Variants in CCSAP observed in about 807,000 individuals in gnomAD.
The protein encoded by CCSAP is centriole, cilia and spindle associated protein, also known as centriole, cilia and spindle-associated protein.
CCSAP carries 17 observed loss-of-function variants against 25.9 expected under a neutral mutation model. The ratio of observed to expected loss-of-function variants is 0.66; its 90% CI spans 0.45 to 0.99. The LOEUF (loss-of-function observed/expected upper bound fraction) is 0.99, where lower values mean the gene tolerates loss of function less well. Among genes scored for constraint, CCSAP ranks in the 50% least tolerant of loss-of-function variants. The probability of loss-of-function intolerance (pLI) is 0.00; values close to 1 mark genes in which losing one functional copy is unlikely to be tolerated. For missense variants in CCSAP, 339 were observed against 367.8 expected (o/e 0.92, Z 0.64); for synonymous variants, 169 against 157.1 (o/e 1.08, Z -0.57).
intron 2 of CCSAP, chr1:229,327,624 CTT>C (rs1657972579): frequency 2.2e-6 from 1 of 455,148 alleles, no homozygotes; most frequent in Non-Finnish European, 4.4e-6. Flanking sequence ...AATCCCAGCA[CTT>C]TGGGAGGCCG....
chr1:229,338,084 C>A (rs1658244687), intron 2 of CCSAP, among the ~76,000 whole-genome samples: 1 of 151,906 alleles, frequency 6.6e-6, no homozygotes, highest in Non-Finnish European at 1.5e-5. Flanking sequence ...AGAGATTAAA[C>A]AAAGCAATCA....
rs1296292318 is a variant in CCSAP, at chr1:229,327,712, C to CA, written c.368-707dup. Among the ~76,000 whole-genome samples the CA allele has an allele frequency of 7.6e-3, 1,093 of 144,616 alleles. 10 individuals are homozygous for CA. The highest frequency in any genetic ancestry group is 0.025 in the African/African-American group (989 of 39,692). 94.9% of individuals were successfully genotyped at this position (144,616 alleles called of 152,430 possible). On this transcript the variant is annotated intron_variant, in intron 2 of 3. Transcript: ENST00000284617. ...GTGAAACCCCGTCTCTACTAAAATACAAAAAAAAAAATTAGGCATGGTGGT... is the reference window on the plus strand; with the variant it reads ...GTGAAACCCCGTCTCTACTAAAATACAAAAAAAAAAAATTAGGCATGGTGGT...
In CCSAP at chr1:229,321,273, C is replaced by T. The variant is rs1657818384; in HGVS notation, c.*3962G>A. The T allele has an allele frequency of 1.3e-5, 2 of 152,148 alleles. No homozygotes were observed. Among genetic ancestry groups the T allele is most frequent in the African/African-American group, 2.4e-5 (1 of 41,434 alleles). The allele number at this position is 152,148 out of a possible 1,614,324, so 9.4% of individuals were successfully genotyped here. A position where few individuals can be genotyped will look rare whatever the true frequency, so the allele number is the denominator to read the frequency against. ...AAATCCAAAAAGAGGCCTCTACTGC[C>T]TTCATTCAAGTGTCGAGAATTTCAA... On this transcript the variant is annotated 3_prime_UTR_variant, in exon 4 of 4. Transcript: ENST00000284617.
intron 2 of CCSAP, chr1:229,327,487 C>T (rs1657966660): frequency 2.2e-6 from 1 of 455,828 alleles, no homozygotes; most frequent in Admixed American, 2.4e-5. Flanking sequence ...CCGCTTCCTT[C>T]ATTCAAAAGC....
At position 229,323,531 on chromosome 1, in the gene CCSAP, G is replaced by T. The variant is rs1382749886; in HGVS notation, c.*1704C>A. On this transcript the variant is annotated 3_prime_UTR_variant, in exon 4 of 4. Coordinates refer to ENST00000284617, the MANE Select transcript of CCSAP (RefSeq NM_145257.5). Reference sequence around the variant, plus strand: ...AATTGCCACATTAAGGTGATCTTTAGGTACCTGTGTCGTTTAAAGACTTTA... The same window carrying T: ...AATTGCCACATTAAGGTGATCTTTATGTACCTGTGTCGTTTAAAGACTTTA... The T allele has an allele frequency of 6.6e-6, 1 of 152,146 alleles. No individual in the cohort carries two copies. The highest frequency in any genetic ancestry group is 2.4e-5 in the African/African-American group (1 of 41,418). 9.4% of individuals were successfully genotyped at this position (152,146 alleles called of 1,614,324 possible). A position where few individuals can be genotyped will look rare whatever the true frequency, so the allele number is the denominator to read the frequency against.
intron 2 of CCSAP, among the ~76,000 whole-genome samples, chr1:229,341,086 C>T (rs950071238): frequency 4.0e-5 from 6 of 150,184 alleles, no homozygotes; most frequent in African/African-American, 1.5e-4. Context: ...CCCAGCTACT[C>T]GGGAGGCTGA....
At chr1:229,337,360 T>C (rs1048441903) in intron 2 of CCSAP, among the ~76,000 whole-genome samples, 4 of 152,056 alleles carry the variant, frequency 2.6e-5, no homozygotes, top group African/African-American at 9.7e-5. Flanking sequence ...GATTCAGTGT[T>C]ATCATAATGC....
intron 2 of CCSAP, among the ~76,000 whole-genome samples, chr1:229,339,157 G>T (rs1658272111): frequency 6.7e-6 from 1 of 148,494 alleles, no homozygotes; most frequent in Admixed American, 6.7e-5. Context: ...TTAAAAACAT[G>T]AGTTTGTCTA....
In CCSAP at chr1:229,323,049, A is replaced by G. The variant is rs562620863; in HGVS notation, c.*2186T>C. On this transcript the variant is annotated 3_prime_UTR_variant, in exon 4 of 4. Coordinates refer to ENST00000284617, the MANE Select transcript of CCSAP (RefSeq NM_145257.5). ...ACAACTATCAAATTTTCACAGGTTC[A>G]AAAGGTAATTGACACTCTTTAAAAA... 13 of 152,346 alleles carry G rather than the reference A, an allele frequency of 8.5e-5. No homozygotes were observed. Among genetic ancestry groups the G allele is most frequent in the African/African-American group, 3.1e-4 (13 of 41,590 alleles). 9.4% of individuals were successfully genotyped at this position (152,346 alleles called of 1,614,324 possible). A position where few individuals can be genotyped will look rare whatever the true frequency, so the allele number is the denominator to read the frequency against.
At chr1:229,325,963 G>C (rs1657932136) in intron 3 of CCSAP, among the ~76,000 whole-genome samples, 1 of 152,100 alleles carries the variant, frequency 6.6e-6, no homozygotes. Context: ...CATTTGCTAG[G>C]GTTCAGATGT....
intron 2 of CCSAP, among the ~76,000 whole-genome samples, chr1:229,338,791 C>T (rs1353231029): frequency 2.0e-5 from 3 of 151,982 alleles, no homozygotes; most frequent in Non-Finnish European, 2.9e-5. Context: ...TAAAACCCTA[C>T]ATGCATCAAT....
In CCSAP at chr1:229,342,352, C is replaced by T. The variant is rs1414348479; in HGVS notation, c.114G>A (p.Arg38=). The T allele has an allele frequency of 2.0e-6, 3 of 1,507,850 alleles. No homozygotes were observed. Among genetic ancestry groups the T allele is most frequent in the Non-Finnish European group, 8.9e-7 (1 of 1,128,778 alleles). The allele number at this position is 1,507,850 out of a possible 1,614,324, so 93.4% of individuals were successfully genotyped here. A position where few individuals can be genotyped will look rare whatever the true frequency, so the allele number is the denominator to read the frequency against. The change falls in exon 2 of 4, where the codon CGG becomes CGA. Residue 38 remains arginine (R), a synonymous_variant. Transcript: ENST00000284617. This position sits in a 1 kb window ranked among gnomAD's most constrained non-coding sequence, Gnocchi z 7.5. ...RELLHYRLGR[R]LLEQAHAPWL... The stretch of plus-strand genomic sequence containing the variant: ...AGGGCGCGTGCGCCTGCTCCAGCAG[C>T]CGGCGGCCTAGGCGGTAGTGCAGCA...
chr1:229,321,553 A>G lies in CCSAP; in HGVS notation c.*3682T>C, dbSNP rs906351798. The G allele has an allele frequency of 2.6e-5, 4 of 152,246 alleles. No homozygotes were observed. The highest frequency in any genetic ancestry group is 9.6e-5 in the African/African-American group (4 of 41,464). The allele number at this position is 152,246 out of a possible 1,614,324, so 9.4% of individuals were successfully genotyped here. ...ATCATTTTACTGATCACAAAATTATATAATAAGGATCTTATATGGGTTAGG... is the reference window on the plus strand; with the variant it reads ...ATCATTTTACTGATCACAAAATTATGTAATAAGGATCTTATATGGGTTAGG... On this transcript the variant is annotated 3_prime_UTR_variant, in exon 4 of 4. Coordinates refer to ENST00000284617, the MANE Select transcript of CCSAP (RefSeq NM_145257.5).
chr1:229,325,382 G>C lies in CCSAP; in HGVS notation c.666C>G (p.Asn222Lys). The C allele has an allele frequency of 6.2e-7, 1 of 1,613,828 alleles. No homozygotes were observed. The highest frequency in any genetic ancestry group is 8.5e-7 in the Non-Finnish European group (1 of 1,179,940). ...EIHESALRAK[N>K]RRQVEKRKLV... is the part of the protein sequence containing the mutation. ...GTTTCCTTTTTTCCACCTGTCTTCT[G>C]TTCTTGGCTCGTAATGCTGATTCAT... Residue 222 changes from asparagine (N) to lysine (K), a missense_variant, in exon 4 of 4, where the codon AAC becomes AAG. By Grantham distance (94) the Asn-to-Lys change is moderately conservative (BLOSUM62 0). Coordinates refer to ENST00000284617, the MANE Select transcript of CCSAP (RefSeq NM_145257.5).
chr1:229,341,193 CAAAAA>C (rs71561730), intron 2 of CCSAP, among the ~76,000 whole-genome samples: 1 of 91,114 alleles, frequency 1.1e-5, no homozygotes, highest in Admixed American at 1.2e-4. Context: ...GACTCCGTCT[CAAAAA>C]AAAAAAAAAA....
intron 3 of CCSAP, among the ~76,000 whole-genome samples, chr1:229,326,070 A>G (rs987245554): frequency 2.0e-5 from 3 of 152,220 alleles, no homozygotes; most frequent in Admixed American, 6.5e-5. Flanking sequence ...GCTTTAGGCT[A>G]TCATAACAGT....
At position 229,322,533 on chromosome 1, in the gene CCSAP, AACT is replaced by A. The variant is rs1439766994; in HGVS notation, c.*2699_*2701del. 1 of 152,226 alleles carries A rather than the reference AACT, an allele frequency of 6.6e-6. No homozygotes were observed. Among genetic ancestry groups the A allele is most frequent in the African/African-American group, 2.4e-5 (1 of 41,456 alleles). The allele number at this position is 152,226 out of a possible 1,614,324, so 9.4% of individuals were successfully genotyped here. On this transcript the variant is annotated 3_prime_UTR_variant, in exon 4 of 4. Transcript: ENST00000284617. ...TCCAAGTAAATAGAATATTAACTAT[AACT>A]ACTAACTATAATCTTTTAAAGATTC...
chr1:229,327,680 C>T (rs1032966162), intron 2 of CCSAP: 9 of 424,638 alleles, frequency 2.1e-5, no homozygotes, highest in Non-Finnish European at 3.8e-5. Context: ...CCATCCTGGC[C>T]AACATGGTGA....
chr1:229,335,296 G>A (rs912038890), intron 2 of CCSAP, among the ~76,000 whole-genome samples: 2 of 152,026 alleles, frequency 1.3e-5, no homozygotes, highest in African/African-American at 4.8e-5. Context: ...TCTAGCCTAG[G>A]CAACAGACTG....
Sources: gnomAD v4.1 joint callset for allele counts (sites outside exome capture counted in the v4.1 genomes callset) on GRCh38, gnomAD v4.1.1 for gene constraint, Gnocchi (gnomAD v3.1) non-coding constraint, MANE v1.5 for transcripts, NCBI Gene and HGNC (gene_info 2026-07-23, HGNC 2026-07-21) for gene names.